The following DPP6 variants were observed in gnomAD, a reference collection of about 807,000 sequenced individuals.
DPP6 encodes the protein dipeptidyl peptidase like 6.
DPP6 carries 69 observed loss-of-function variants against 122.6 expected under a neutral mutation model. The ratio of observed to expected loss-of-function variants is 0.56; its 90% CI spans 0.46 to 0.69. DPP6 has a LOEUF of 0.69. Ranked by LOEUF, DPP6 falls within the 30% of genes least tolerant of loss-of-function variation. The pLI, the probability that DPP6 is intolerant of heterozygous loss-of-function variation, is 0.00. For synonymous variants in DPP6, 418 were observed against 433.1 expected, an observed-to-expected ratio of 0.97 and a Z score of 0.43; for missense variants, 928 against 1,116.9, an observed-to-expected ratio of 0.83 and a Z score of 2.41.
At chr7:154,723,120 G>C (rs539724009) in intron 7 of DPP6, among the ~76,000 whole-genome samples, 2 of 152,094 alleles carry the variant, frequency 1.3e-5, no homozygotes, top group Non-Finnish European at 2.9e-5. Flanking sequence ...TTAGCCAGGA[G>C]TGGTGGCTGG....
chr7:154,804,077 C>A, intron 14 of DPP6, 122 bp downstream of exon 14: 1 of 1,192,584 alleles, frequency 8.4e-7, no homozygotes, highest in Non-Finnish European at 1.2e-6. Flanking sequence ...CCTCAGGCAG[C>A]ATCACTGACT....
chr7:154,230,538 G>C (rs939037547), intron 1 of DPP6, among the ~76,000 whole-genome samples: 1 of 152,194 alleles, frequency 6.6e-6, no homozygotes, highest in African/African-American at 2.4e-5. Context: ...AGAGCCACAA[G>C]GGACTTGAGT....
chr7:154,873,387 C>A (rs1378148481), intron 19 of DPP6, among the ~76,000 whole-genome samples: 1 of 152,176 alleles, frequency 6.6e-6, no homozygotes, highest in Non-Finnish European at 1.5e-5. Flanking sequence ...TGCCCCAATG[C>A]ACCTCCTGGT....
intron 1 of DPP6, among the ~76,000 whole-genome samples, chr7:154,180,282 A>C (rs781753312): frequency 7.3e-5 from 11 of 151,386 alleles, no homozygotes; most frequent in Non-Finnish European, 1.2e-4. Flanking sequence ...CGGGAGGTGG[A>C]GGCTGCAGTG....
Position 154,821,277 on chromosome 7 carries a change from T to C in DPP6, c.1666+14165T>C, listed in dbSNP as rs1184061590. Among the ~76,000 whole-genome samples the C allele has an allele frequency of 6.6e-6, 1 of 152,190 alleles. No individual in the cohort carries two copies. The highest frequency in any genetic ancestry group is 1.5e-5 in the Non-Finnish European group (1 of 68,036). ...TTAATCTTTTTCCTGATGTCTTTTC[T>C]TTTTTCTTTTTACATTGTTCTGATA... On this transcript the variant is annotated intron_variant, in intron 16 of 25. Coordinates refer to ENST00000377770, the MANE Select transcript of DPP6 (RefSeq NM_130797.4). This position sits in a 1 kb window ranked among gnomAD's most constrained non-coding sequence, Gnocchi z 4.2.
chr7:154,280,417 C>T (rs1804424586), intron 1 of DPP6, among the ~76,000 whole-genome samples: 1 of 152,088 alleles, frequency 6.6e-6, no homozygotes, highest in African/African-American at 2.4e-5. Context: ...TGGCTCATAC[C>T]CAAACTCCCC....
intron 16 of DPP6, among the ~76,000 whole-genome samples, chr7:154,842,066 T>C (rs953373208): frequency 6.6e-6 from 1 of 152,230 alleles, no homozygotes; most frequent in Non-Finnish European, 1.5e-5. Context: ...ATCACCTCAA[T>C]GTATAAACTT....
chr7:154,605,335 G>A (rs1760627997), intron 5 of DPP6, among the ~76,000 whole-genome samples: 1 of 118,418 alleles, frequency 8.4e-6, no homozygotes, highest in Non-Finnish European at 1.9e-5. Flanking sequence ...TCAGTTTTAC[G>A]AGCAAGAGGG....
chr7:154,753,718 C>G (rs1843516624), intron 8 of DPP6, among the ~76,000 whole-genome samples: 1 of 152,168 alleles, frequency 6.6e-6, no homozygotes, highest in Non-Finnish European at 1.5e-5. Flanking sequence ...AGGGCAGGGA[C>G]AGGAGCGGTC....
At chr7:154,660,005 G>T (rs1446856311) in intron 6 of DPP6, among the ~76,000 whole-genome samples, 1 of 152,236 alleles carries the variant, frequency 6.6e-6, no homozygotes, top group African/African-American at 2.4e-5. Context: ...ACGTCATAAG[G>T]TTGGGACTAG....
chr7:154,531,341 A>G (rs967724051), intron 3 of DPP6, among the ~76,000 whole-genome samples: 1 of 152,238 alleles, frequency 6.6e-6, no homozygotes, highest in Non-Finnish European at 1.5e-5. Flanking sequence ...ATTAAAAACC[A>G]TGGTGACCAG....
At chr7:154,766,545 GAT>G (rs1795910987) in intron 8 of DPP6, among the ~76,000 whole-genome samples, 1 of 152,118 alleles carries the variant, frequency 6.6e-6, no homozygotes, top group African/African-American at 2.4e-5. Flanking sequence ...GACCTCAAGT[GAT>G]CCACCCACCT....
At position 154,211,251 on chromosome 7, in the gene DPP6, C is replaced by A. The variant is rs191005590; in HGVS notation, c.243+158188C>A. Among the ~76,000 whole-genome samples the A allele has an allele frequency of 8.1e-3, 1,232 of 152,308 alleles. 5 individuals carry two copies. Among genetic ancestry groups the A allele is most frequent in the Non-Finnish European group, 0.014 (930 of 68,022 alleles). On this transcript the variant is annotated intron_variant, in intron 1 of 25. Transcript: ENST00000377770. ...AATGTGGGATGGCTGGAGGAGGGAA[C>A]AAGCTGGCAGACAGCCCCCACCTGG...
In DPP6 at chr7:154,241,767, A is replaced by C. The variant is rs546727501; in HGVS notation, c.243+188704A>C. ...CCCATATTATGTTTTAAGTTTAAAA[A>C]GATTGTCTGCCGACCGAAAAAGTTT... On this transcript the variant is annotated intron_variant, in intron 1 of 25. Coordinates refer to ENST00000377770, the MANE Select transcript of DPP6 (RefSeq NM_130797.4). The surrounding 1 kb of genome is among the most constrained non-coding windows in gnomAD (Gnocchi z 9.0). 9.2e-5 allele frequency among the ~76,000 whole-genome samples: 14 copies of C among 152,334 alleles called. No homozygotes were observed. Among genetic ancestry groups the C allele is most frequent in the African/African-American group, 3.1e-4 (13 of 41,580 alleles).
At chr7:153,812,400 A>G in the DPP6 span, among the ~76,000 whole-genome samples, 2 of 152,070 alleles carry the variant, frequency 1.3e-5, no homozygotes, top group African/African-American at 4.8e-5. Context: ...CAGGCAATTC[A>G]CTACAACCTT....
chr7:154,753,965 A>G (rs941621732), intron 8 of DPP6, among the ~76,000 whole-genome samples: 2 of 152,216 alleles, frequency 1.3e-5, no homozygotes, highest in African/African-American at 2.4e-5. Context: ...TAGAACCAGG[A>G]ATAATTAATC....
At chr7:154,599,679 C>T (rs975023298) in intron 5 of DPP6, among the ~76,000 whole-genome samples, 4 of 151,876 alleles carry the variant, frequency 2.6e-5, no homozygotes, top group African/African-American at 7.3e-5. Context: ...CAGCCCCCCA[C>T]CCCATGACAG....
intron 1 of DPP6, among the ~76,000 whole-genome samples, chr7:154,151,132 C>T (rs1435487722): frequency 6.6e-6 from 1 of 152,226 alleles, no homozygotes; most frequent in African/African-American, 2.4e-5. Context: ...TTCCCCAGAA[C>T]CCGATGTGGT....
At chr7:154,763,795 C>A (rs2131526007) in intron 8 of DPP6, among the ~76,000 whole-genome samples, 1 of 152,348 alleles carries the variant, frequency 6.6e-6, no homozygotes, top group South Asian at 2.1e-4. Flanking sequence ...CTTTGGATTT[C>A]TCTTTAGCTG....
Sources: allele counts gnomAD v4.1 joint callset (sites outside exome capture counted in the v4.1 genomes callset), GRCh38; gene constraint gnomAD v4.1.1; non-coding constraint Gnocchi (gnomAD v3.1); transcripts MANE v1.5; gene names NCBI Gene and HGNC (gene_info 2026-07-23, HGNC 2026-07-21).